HHLA1: variants seen among roughly 807,000 people sequenced by gnomAD.
HHLA1 encodes the protein HHLA1 neighbor of OC90.
A neutral mutation model predicts 69.9 loss-of-function variants in HHLA1; 72 were observed. The ratio of observed to expected loss-of-function variants is 1.03; its 90% CI spans 0.85 to 1.25. HHLA1 has a LOEUF of 1.25. HHLA1 is among the 50% of genes most tolerant of loss of function. The pLI is 0.00. For missense variants in HHLA1, 685 were observed against 642.2 expected (o/e 1.07, Z -0.72); for synonymous variants, 252 against 233.2 (o/e 1.08, Z -0.73).
chr8:132,073,271 A>T (rs972159730), intron 14 of HHLA1, among the ~76,000 whole-genome samples: 1 of 152,108 alleles, frequency 6.6e-6, no homozygotes, highest in East Asian at 1.9e-4. Context: ...AAACCACCAC[A>T]TCTGGCCAGG....
rs1563740394 is a variant in HHLA1, at chr8:132,071,399, G to GCA, written c.1408_1409dup (p.Gln471AlafsTer10). ...TGCAGAGGCATTGCTGGAAGAATTG[G>GCA]CACAGCTCCATCAGGCATGGGTTGA... is the stretch of plus-strand genomic sequence containing the variant. On this transcript the variant is annotated frameshift_variant, in exon 15 of 17. Transcript: ENST00000414222. LOFTEE classifies it high-confidence loss of function. 1.3e-6 allele frequency: 2 copies of GCA among 1,551,678 alleles called. No individual in the cohort carries two copies. The highest frequency in any genetic ancestry group is 1.7e-6 in the Non-Finnish European group (2 of 1,146,950).
At chr8:132,105,759 G>C (rs1563750819) in intron 1 of HHLA1, among the ~76,000 whole-genome samples, 1 of 152,234 alleles carries the variant, frequency 6.6e-6, no homozygotes, top group South Asian at 2.1e-4. Flanking sequence ...GGAATGTAGA[G>C]GGGGATGCAT....
chr8:132,068,487 A>T (rs1314322155), intron 15 of HHLA1, among the ~76,000 whole-genome samples: 1 of 152,220 alleles, frequency 6.6e-6, no homozygotes, highest in Non-Finnish European at 1.5e-5. Context: ...CCTCACATGG[A>T]CTGGAAGAGG....
Position 132,098,916 on chromosome 8 carries a change from C to T in HHLA1, c.246G>A (p.Glu82=). The change falls in exon 5 of 17, where the codon GAG becomes GAA. Residue 82 remains glutamate (E), a synonymous_variant. Transcript: ENST00000414222. The stretch of plus-strand genomic sequence containing the variant: ...CTCTACTGAGCATCCCATTCACAAG[C>T]TCTGTCAGGTTAAGCGCGGACAGAT... ...SIDLSALNLT[E]LVNGMLSRAL... 2 of 1,551,462 alleles carry T rather than the reference C, an allele frequency of 1.3e-6. No individual in the cohort carries two copies. The highest frequency in any genetic ancestry group is 1.7e-6 in the Non-Finnish European group (2 of 1,146,718).
Position 132,063,996 on chromosome 8 carries a change from C to T in HHLA1, c.1595G>A (p.Ter532=). The change falls in exon 17 of 17, where the codon TGA becomes TAA. Residue 532 remains the stop codon, a stop_retained_variant. Transcript: ENST00000414222. ...KCLENICKSV[*] ...TGCCCTAGTGTTATTTTCAAGGCCTCACACAGACTTGCAGATATTCTCAAG... is the reference window on the plus strand; with the variant it reads ...TGCCCTAGTGTTATTTTCAAGGCCTTACACAGACTTGCAGATATTCTCAAG... 1 of 1,301,696 alleles carries T rather than the reference C, an allele frequency of 7.7e-7. No homozygotes were observed. The highest frequency in any genetic ancestry group is 1.0e-6 in the Non-Finnish European group (1 of 986,352). 80.6% of individuals were successfully genotyped at this position (1,301,696 alleles called of 1,614,324 possible).
intron 3 of HHLA1, chr8:132,101,117 T>G: frequency 1.4e-6 from 2 of 1,478,002 alleles, no homozygotes; most frequent in Non-Finnish European, 1.8e-6. Context: ...ACCAGCAGGA[T>G]GGAGAAGGTG....
intron 14 of HHLA1, among the ~76,000 whole-genome samples, chr8:132,073,599 G>A (rs1487606935): frequency 6.6e-6 from 1 of 152,170 alleles, no homozygotes; most frequent in Admixed American, 6.5e-5. Context: ...GCAACAGGGA[G>A]TAACTCCAGC....
intron 10 of HHLA1, among the ~76,000 whole-genome samples, chr8:132,083,044 G>A (rs1014528086): frequency 2.1e-4 from 31 of 144,534 alleles, no homozygotes; most frequent in South Asian, 1.0e-3. Flanking sequence ...ATGATTGGTC[G>A]CCAAGGAGGG....
Position 132,101,123 on chromosome 8 carries a change from A to T in HHLA1, c.140-989T>A, listed in dbSNP as rs559607762. 6.2e-5 allele frequency: 93 copies of T among 1,491,670 alleles called. No individual in the cohort carries two copies. The South Asian group carries it at 8.7e-4, about 14-fold the overall frequency. 92.4% of individuals were successfully genotyped at this position (1,491,670 alleles called of 1,614,324 possible). A position where few individuals can be genotyped will look rare whatever the true frequency, so the allele number is the denominator to read the frequency against. ...ACAATAGGTACCAGCAGGATGGAGA[A>T]GGTGCTGTATTTTACATTTTCATTT... On this transcript the variant is annotated intron_variant, in intron 3 of 16. Transcript: ENST00000414222.
intron 10 of HHLA1, among the ~76,000 whole-genome samples, chr8:132,083,613 G>A (rs1479429600): frequency 6.6e-6 from 1 of 152,160 alleles, no homozygotes; most frequent in African/African-American, 2.4e-5. Flanking sequence ...GATTTTCAGT[G>A]GGGTCCCACA....
At chr8:132,075,853 A>G (rs558113781) in intron 14 of HHLA1, among the ~76,000 whole-genome samples, 1 of 152,244 alleles carries the variant, frequency 6.6e-6, no homozygotes, top group Non-Finnish European at 1.5e-5. Flanking sequence ...AAAAATTGCA[A>G]TTATTCTTGC....
chr8:132,101,721 G>A lies in HHLA1; in HGVS notation c.140-1587C>T, dbSNP rs149931121. 6.6e-3 allele frequency among the ~76,000 whole-genome samples: 1,009 copies of A among 151,994 alleles called. 11 individuals carry two copies. Among genetic ancestry groups the A allele is most frequent in the African/African-American group, 0.023 (951 of 41,448 alleles). Reference sequence around the variant, plus strand: ...CCTGAGTAGCTGGGATTACAGGTGTGCACCACCACGCCTGGCTATTATTTG... The same window carrying A: ...CCTGAGTAGCTGGGATTACAGGTGTACACCACCACGCCTGGCTATTATTTG... On this transcript the variant is annotated intron_variant, in intron 3 of 16. Coordinates refer to ENST00000414222, the MANE Select transcript of HHLA1 (RefSeq NM_001145095.3).
At chr8:132,073,708 C>T (rs1297715149) in intron 14 of HHLA1, among the ~76,000 whole-genome samples, 2 of 152,148 alleles carry the variant, frequency 1.3e-5, no homozygotes, top group African/African-American at 2.4e-5. Context: ...CTTGCCCCAA[C>T]CCACCCCATC....
chr8:132,105,372 A>G lies in HHLA1; in HGVS notation c.-21-86T>C, dbSNP rs1824187157. On this transcript the variant is annotated intron_variant, in intron 1 of 16. Coordinates refer to ENST00000414222, the MANE Select transcript of HHLA1 (RefSeq NM_001145095.3). Reference sequence around the variant, plus strand: ...GAACAGTGCGTGAGGAATCATTAAAATCACAATCTGAAAAAGGCTTTGTAC... The same window carrying G: ...GAACAGTGCGTGAGGAATCATTAAAGTCACAATCTGAAAAAGGCTTTGTAC... 47 of 863,970 alleles carry G rather than the reference A, an allele frequency of 5.4e-5. No homozygotes were observed. In the East Asian group the frequency reaches 1.2e-3, roughly 22 times the overall value. 53.5% of individuals were successfully genotyped at this position (863,970 alleles called of 1,614,324 possible).
At chr8:132,110,108 C>T (rs1425979318) in intron 1 of HHLA1, among the ~76,000 whole-genome samples, 1 of 152,178 alleles carries the variant, frequency 6.6e-6, no homozygotes, top group African/African-American at 2.4e-5. Context: ...ATGAGCAAAC[C>T]TGCCTTTCTC....
intron 3 of HHLA1, among the ~76,000 whole-genome samples, chr8:132,102,430 T>C (rs185795899): frequency 5.8e-4 from 89 of 152,362 alleles, no homozygotes; most frequent in Non-Finnish European, 1.1e-3. Context: ...ACAGGGCTAC[T>C]GGAGGCAACG....
Position 132,095,800 on chromosome 8 carries a change from C to A in HHLA1, c.281-14G>T. 1 of 1,527,680 alleles carries A rather than the reference C, an allele frequency of 6.5e-7. No homozygotes were observed. The allele number at this position is 1,527,680 out of a possible 1,614,324, so 94.6% of individuals were successfully genotyped here. A position where few individuals can be genotyped will look rare whatever the true frequency, so the allele number is the denominator to read the frequency against. On this transcript the variant is annotated splice_polypyrimidine_tract_variant and intron_variant, in intron 5 of 16. Transcript: ENST00000414222. ...ACTTCTTGCTATCTGCCAAAACATA[C>A]CAGATAAAGAGACAGACAGATGCCT...
In HHLA1 at chr8:132,061,802, G is replaced by A. The variant is rs192781070; in HGVS notation, c.*2193C>T. On this transcript the variant is annotated 3_prime_UTR_variant, in exon 17 of 17. Transcript: ENST00000414222. The stretch of plus-strand genomic sequence containing the variant: ...TTTTCCTTCTGCCTTTGCTGCTGTT[G>A]TGGCTGATGGTATGACTGTAGAAAA... 1 of 152,388 alleles carries A rather than the reference G, an allele frequency of 6.6e-6. No individual in the cohort carries two copies. The highest frequency in any genetic ancestry group is 1.9e-4 in the East Asian group (1 of 5,188). 9.4% of individuals were successfully genotyped at this position (152,388 alleles called of 1,614,324 possible).
intron 7 of HHLA1, 150 bp from the exon 8 acceptor site, chr8:132,089,749 T>C (rs1337797995): frequency 6.5e-6 from 4 of 614,484 alleles, no homozygotes; most frequent in Non-Finnish European, 1.2e-5. Context: ...GAAATACTAC[T>C]AATTCTAAAA....
Sources: allele counts gnomAD v4.1 joint callset (sites outside exome capture counted in the v4.1 genomes callset), GRCh38; gene constraint gnomAD v4.1.1; transcripts MANE v1.5; gene names NCBI Gene and HGNC (gene_info 2026-07-23, HGNC 2026-07-21).